CFAP57: variants seen among roughly 807,000 people sequenced by gnomAD.
CFAP57 encodes the protein cilia and flagella associated protein 57.
CFAP57 carries 116 observed loss-of-function variants against 146.8 expected under a neutral mutation model. The ratio of observed to expected loss-of-function variants is 0.79; its 90% confidence interval spans 0.68 to 0.92. CFAP57 has a LOEUF of 0.92. Ranked by LOEUF, CFAP57 falls within the 40% of genes least tolerant of loss-of-function variation. The pLI, the probability that CFAP57 is intolerant of heterozygous loss-of-function variation, is 0.00. For missense variants in CFAP57, 1,377 were observed against 1,527.2 expected (o/e 0.90, Z 1.64); for synonymous variants, 518 against 552.8 (o/e 0.94, Z 0.88).
chr1:43,235,854 C>A (rs967321812), intron 21 of CFAP57, among the ~76,000 whole-genome samples: 1 of 152,202 alleles, frequency 6.6e-6, no homozygotes, highest in African/African-American at 2.4e-5. Flanking sequence ...CATCACCTAG[C>A]ACCCTCTGTG....
chr1:43,213,281 T>G (rs905139121), intron 11 of CFAP57, among the ~76,000 whole-genome samples: 2 of 152,194 alleles, frequency 1.3e-5, no homozygotes, highest in African/African-American at 4.8e-5. Flanking sequence ...CTCTCACATA[T>G]GAATGAGAAC....
Position 43,238,393 on chromosome 1 carries a change from C to T in CFAP57, c.3405+3755C>T, listed in dbSNP as rs979122643. 6.6e-6 allele frequency among the ~76,000 whole-genome samples: 1 copy of T among 152,176 alleles called. No homozygotes were observed. The highest frequency in any genetic ancestry group is 1.5e-5 in the Non-Finnish European group (1 of 68,026). ...GGCAGTCCTGGACAGCTTGGCAGAGCCCCTTTGCTTAGAAAGCTTTTTACA... is the reference window on the plus strand; with the variant it reads ...GGCAGTCCTGGACAGCTTGGCAGAGTCCCTTTGCTTAGAAAGCTTTTTACA... On this transcript the variant is annotated intron_variant, in intron 21 of 22. Coordinates refer to ENST00000372492, the MANE Select transcript of CFAP57 (RefSeq NM_001378189.1). The surrounding 1 kb of genome is among the most constrained non-coding windows in gnomAD (Gnocchi z 4.3).
Position 43,223,596 on chromosome 1 carries a change from A to G in CFAP57, c.2707-450A>G, listed in dbSNP as rs187055940. On this transcript the variant is annotated intron_variant, in intron 16 of 22. Transcript: ENST00000372492. ...TCAAAGCAAGCTGAAGTTTCTTCCTATTAGAAAGCACACTAGTAAATCCAG... is the reference window on the plus strand; with the variant it reads ...TCAAAGCAAGCTGAAGTTTCTTCCTGTTAGAAAGCACACTAGTAAATCCAG... 2.8e-3 allele frequency among the ~76,000 whole-genome samples: 420 copies of G among 152,360 alleles called. 3 individuals carry two copies. Among genetic ancestry groups the G allele is most frequent in the Non-Finnish European group, 2.1e-3 (142 of 68,024 alleles).
intron 11 of CFAP57, 173 bp downstream of exon 11, chr1:43,210,089 C>A (rs532815635): frequency 6.2e-7 from 1 of 1,613,674 alleles, no homozygotes; most frequent in South Asian, 1.1e-5. Flanking sequence ...GTTTAAACTA[C>A]TTCCAGGAAT....
intron 22 of CFAP57, among the ~76,000 whole-genome samples, chr1:43,247,916 G>A (rs1646171963): frequency 6.6e-6 from 1 of 152,094 alleles, no homozygotes; most frequent in African/African-American, 2.4e-5. Context: ...ACGAGGTCAG[G>A]AGATCGAGAC....
chr1:43,172,663 A>T (rs2934883), intron 1 of CFAP57, 72 bp from the exon 2 acceptor site: 327,720 of 1,288,882 alleles, frequency 0.25, 39,502 homozygotes, highest in Middle Eastern at 0.32. Flanking sequence ...GGGGAGGGCG[A>T]GTCCGGGCCG....
At chr1:43,188,783 A>G (rs1406097392) in intron 6 of CFAP57, among the ~76,000 whole-genome samples, 1 of 151,876 alleles carries the variant, frequency 6.6e-6, no homozygotes, top group Non-Finnish European at 1.5e-5. Flanking sequence ...GAATTTATCT[A>G]TTTTTCTTTT....
At chr1:43,186,261 G>A (rs914384512) in intron 5 of CFAP57, among the ~76,000 whole-genome samples, 4 of 151,966 alleles carry the variant, frequency 2.6e-5, no homozygotes, top group Non-Finnish European at 5.9e-5. Context: ...AAGAATAGGA[G>A]GATCCCAGGA....
rs971719604 is a variant in CFAP57 at position 43,197,081 on chromosome 1, T to C, written c.1123-472T>C. On this transcript the variant is annotated intron_variant, in intron 6 of 22. Coordinates refer to ENST00000372492, the MANE Select transcript of CFAP57 (RefSeq NM_001378189.1). ...AAAATAATATTGGCTCAGCCAAGCA[T>C]GGTGGCTCACGCCTGTAATCCCAGC... Among the ~76,000 whole-genome samples, 52 of 152,294 alleles carry C rather than the reference T, an allele frequency of 3.4e-4. 1 individual carries two copies. In the East Asian group the frequency reaches 9.4e-3, roughly 28 times the overall value.
At chr1:43,224,857 G>A (rs1039237859) in intron 17 of CFAP57, among the ~76,000 whole-genome samples, 1 of 152,176 alleles carries the variant, frequency 6.6e-6, no homozygotes, top group African/African-American at 2.4e-5. Flanking sequence ...GGGCTTCAGT[G>A]TTAGGGAACT....
rs965526331 is a variant in CFAP57, at chr1:43,227,085, C to T, written c.2968C>T (p.Arg990Ter). The change falls in exon 18 of 23, where the codon CGA (arginine) becomes TGA (stop). Residue 990 changes from arginine to a stop codon, truncating the protein, a stop_gained. Transcript: ENST00000372492. LOFTEE classifies it high-confidence loss of function. Reference sequence around the variant, plus strand: ...GGAGCTGAAGAAGCAAATAGAACCTCGAGAGAATGAGATCAGGGTGATGAA... The same window carrying T: ...GGAGCTGAAGAAGCAAATAGAACCTTGAGAGAATGAGATCAGGGTGATGAA... ...IKELKKQIEPRENEIRVMKEQ... is the reference protein window; with the variant it reads ...IKELKKQIEP The T allele has an allele frequency of 5.2e-6, 8 of 1,543,712 alleles. No individual in the cohort carries two copies. The highest frequency in any genetic ancestry group is 2.5e-5 in the East Asian group (1 of 40,540).
At chr1:43,210,283 G>A (rs570810078) in intron 11 of CFAP57, 105 of 1,444,882 alleles carry the variant, frequency 7.3e-5, no homozygotes, top group Non-Finnish European at 9.3e-5. Flanking sequence ...TAGCCCTGAA[G>A]ATTGGCCCCT....
intron 8 of CFAP57, among the ~76,000 whole-genome samples, chr1:43,199,148 T>TC (rs2124429049): frequency 6.6e-6 from 1 of 152,246 alleles, no homozygotes; most frequent in African/African-American, 2.4e-5. Flanking sequence ...TTGCTTGTGG[T>TC]CCCAACGGCT....
In CFAP57 at chr1:43,209,886, G is replaced by C; in HGVS notation, c.1899G>C (p.Glu633Asp). Residue 633 changes from glutamate (E) to aspartate (D), a missense_variant, in exon 11 of 23, where the codon GAG (glutamate) becomes GAC (aspartate). Physicochemically the swap from Glu to Asp is conservative, Grantham distance 45 (BLOSUM62 2). Transcript: ENST00000372492. ...TGCCTCTGCAGAAGGAATTCAATGA[G>C]TACCAGGCCCATGCCGGTCCTATCA... ...YPLPLQKEFN[E>D]YQAHAGPITK... The C allele has an allele frequency of 6.2e-7, 1 of 1,614,240 alleles. No homozygotes were observed. Among genetic ancestry groups the C allele is most frequent in the Non-Finnish European group, 8.5e-7 (1 of 1,180,050 alleles).
Position 43,181,898 on chromosome 1 carries a change from T to G in CFAP57, c.474+48T>G, listed in dbSNP as rs747278932. The G allele has an allele frequency of 3.8e-6, 6 of 1,585,870 alleles. No individual in the cohort carries two copies. The South Asian group carries it at 5.6e-5, about 15-fold the overall frequency. ...TCGTGAAAATTATAAAAAATAGAACTACTTTTTATTGAATGTTTTCTGTGT... is the reference window on the plus strand; with the variant it reads ...TCGTGAAAATTATAAAAAATAGAACGACTTTTTATTGAATGTTTTCTGTGT... On this transcript the variant is annotated intron_variant, in intron 3 of 22. Transcript: ENST00000372492.
At chr1:43,192,660 C>T (rs1643611448) in intron 6 of CFAP57, among the ~76,000 whole-genome samples, 1 of 151,460 alleles carries the variant, frequency 6.6e-6, no homozygotes, top group African/African-American at 2.4e-5. Flanking sequence ...AGTGGTGGCT[C>T]ACACCTGTAA....
Position 43,222,124 on chromosome 1 carries a change from G to A in CFAP57, c.2361G>A (p.Lys787=). The change falls in exon 15 of 23, where the codon AAG becomes AAA. Residue 787 remains lysine, a synonymous_variant. Transcript: ENST00000372492. ...CTCCAGAATGTTGCAACAACCAAAAGTTGCTTCTAGAATATGAGAAGTACC... is the reference window on the plus strand; with the variant it reads ...CTCCAGAATGTTGCAACAACCAAAAATTGCTTCTAGAATATGAGAAGTACC... ...LQDMECCNNQ[K]LLLEYEKYQE... The A allele has an allele frequency of 6.5e-7, 1 of 1,547,580 alleles. No homozygotes were observed. Among genetic ancestry groups the A allele is most frequent in the East Asian group, 2.5e-5 (1 of 40,742 alleles).
intron 22 of CFAP57, 113 bp from the exon 23 acceptor site, chr1:43,253,864 G>A: frequency 1.1e-6 from 1 of 904,890 alleles, no homozygotes; most frequent in Non-Finnish European, 1.7e-6. Flanking sequence ...GGGATTGAGT[G>A]CTCCACAGTA....
chr1:43,225,774 TTGGAAAC>T (rs1203232403), intron 17 of CFAP57, among the ~76,000 whole-genome samples: 5 of 152,234 alleles, frequency 3.3e-5, no homozygotes, highest in Non-Finnish European at 7.3e-5. Flanking sequence ...GTATTTATAT[TTGGAAAC>T]CCAATACTTG....
Sources: gnomAD v4.1 joint callset for allele counts (sites outside exome capture counted in the v4.1 genomes callset) on GRCh38, gnomAD v4.1.1 for gene constraint, Gnocchi (gnomAD v3.1) non-coding constraint, MANE v1.5 for transcripts, NCBI Gene and HGNC (gene_info 2026-07-23, HGNC 2026-07-21) for gene names.